LGSN: variants seen among roughly 807,000 people sequenced by gnomAD.
LGSN encodes lengsin, lens protein with glutamine synthetase domain, also known as lengsin.
Under a neutral mutation model 19.5 loss-of-function variants are expected in LGSN, and 21 were observed. The ratio of observed to expected loss-of-function variants is 1.07; its 90% CI spans 0.76 to 1.55. The LOEUF (loss-of-function observed/expected upper bound fraction) is 1.55, where lower values mean the gene tolerates loss of function less well. Ranked by LOEUF, LGSN falls within the 40% of genes most tolerant of loss-of-function variation. The pLI, the probability that LGSN is intolerant of heterozygous loss-of-function variation, is 0.00. For missense variants in LGSN, 673 were observed against 608.5 expected (o/e 1.11, Z -1.12); for synonymous variants, 257 against 215.6 (o/e 1.19, Z -1.68).
At chr6:63,464,763 A>C in the LGSN span, among the ~76,000 whole-genome samples, 2 of 152,106 alleles carry the variant, frequency 1.3e-5, no homozygotes, top group African/African-American at 4.8e-5. Context: ...GCGGTGGCTC[A>C]TGCCTGTAAT....
the LGSN span, among the ~76,000 whole-genome samples, chr6:63,559,036 C>T: frequency 1.4e-4 from 22 of 152,076 alleles, no homozygotes; most frequent in African/African-American, 3.9e-4. Context: ...TGTATGGAGG[C>T]GAGAAGGATA....
At chr6:63,567,446 G>C in the LGSN span, among the ~76,000 whole-genome samples, 1 of 152,172 alleles carries the variant, frequency 6.6e-6, no homozygotes, top group Admixed American at 6.5e-5. Flanking sequence ...CATGTGCATT[G>C]TCAAGGAGCA....
At chr6:63,549,037 C>A in the LGSN span, 6 of 726,080 alleles carry the variant, frequency 8.3e-6, no homozygotes, top group Non-Finnish European at 1.3e-5. Flanking sequence ...ACGTCGTGTG[C>A]AATCACCACC....
At chr6:63,560,694 G>C in the LGSN span, among the ~76,000 whole-genome samples, 1 of 151,988 alleles carries the variant, frequency 6.6e-6, no homozygotes, top group Non-Finnish European at 1.5e-5. Flanking sequence ...GTGAGCCACC[G>C]CACCCAGCCA....
the LGSN span, among the ~76,000 whole-genome samples, chr6:63,429,602 C>T: frequency 1.3e-5 from 2 of 151,780 alleles, no homozygotes; most frequent in Non-Finnish European, 2.9e-5. Context: ...CGAGTGTGGT[C>T]GCGGGCGCCT....
chr6:63,438,362 A>G, the LGSN span, among the ~76,000 whole-genome samples: 1 of 152,208 alleles, frequency 6.6e-6, no homozygotes, highest in Non-Finnish European at 1.5e-5. Flanking sequence ...ATGGGATCTA[A>G]TTAAACTAAA....
chr6:63,405,098 T>G, the LGSN span, among the ~76,000 whole-genome samples: 2 of 151,736 alleles, frequency 1.3e-5, no homozygotes, highest in Non-Finnish European at 2.9e-5. Flanking sequence ...GAATGATGAT[T>G]TCCAATTTCA....
intron 1 of LGSN, among the ~76,000 whole-genome samples, chr6:63,308,256 G>A (rs949893620): frequency 3.3e-5 from 5 of 152,020 alleles, no homozygotes; most frequent in African/African-American, 7.3e-5. Context: ...CTATCGTTTC[G>A]TCAGATGGCT....
the LGSN span, among the ~76,000 whole-genome samples, chr6:63,507,765 C>G: frequency 6.6e-6 from 1 of 152,158 alleles, no homozygotes; most frequent in Non-Finnish European, 1.5e-5. Context: ...TTGTTTCTTA[C>G]AGCCAAAGAA....
chr6:63,551,596 T>C, the LGSN span, among the ~76,000 whole-genome samples: 2 of 152,176 alleles, frequency 1.3e-5, no homozygotes, highest in Non-Finnish European at 2.9e-5. Flanking sequence ...TGCAGGTTTG[T>C]TACATATGTA....
chr6:63,407,187 G>A, the LGSN span, among the ~76,000 whole-genome samples: 9,919 of 151,172 alleles, frequency 0.066, 529 homozygotes, highest in African/African-American at 0.15. Flanking sequence ...TATAAGGCCA[G>A]CATCATCCTG....
chr6:63,456,774 A>G, the LGSN span, among the ~76,000 whole-genome samples: 1 of 152,150 alleles, frequency 6.6e-6, no homozygotes, highest in East Asian at 1.9e-4. Context: ...GCCATTTTAT[A>G]GCACCCCCTT....
chr6:63,299,311 G>C (rs1320877724), intron 1 of LGSN, among the ~76,000 whole-genome samples: 2 of 152,154 alleles, frequency 1.3e-5, no homozygotes, highest in African/African-American at 2.4e-5. Flanking sequence ...AGAGAGGAAA[G>C]ACTAAGTTAC....
At chr6:63,388,694 T>A in the LGSN span, among the ~76,000 whole-genome samples, 1 of 152,222 alleles carries the variant, frequency 6.6e-6, no homozygotes, top group Admixed American at 6.5e-5. Context: ...CAGTCTGTGG[T>A]ATTTTGTTAC....
chr6:63,380,001 C>T, the LGSN span, among the ~76,000 whole-genome samples: 1 of 152,062 alleles, frequency 6.6e-6, no homozygotes, highest in African/African-American at 2.4e-5. Flanking sequence ...CTACACCCAG[C>T]TAATTTTTTG....
At chr6:63,487,024 T>C in the LGSN span, among the ~76,000 whole-genome samples, 81,090 of 151,478 alleles carry the variant, frequency 0.54, 23,516 homozygotes, top group African/African-American at 0.77. Context: ...TTAGTAGAGA[T>C]GGGGTTTCAC....
chr6:63,306,079 A>G (rs1024391767), intron 1 of LGSN, among the ~76,000 whole-genome samples: 5 of 151,186 alleles, frequency 3.3e-5, no homozygotes, highest in Non-Finnish European at 7.4e-5. Context: ...CAACAAAAAA[A>G]TAAAGTCTTT....
chr6:63,392,762 T>C, the LGSN span, among the ~76,000 whole-genome samples: 3 of 152,024 alleles, frequency 2.0e-5, no homozygotes, highest in Admixed American at 6.6e-5. Context: ...TTCCTTTTAA[T>C]GAAAAGCAAC....
the LGSN span, among the ~76,000 whole-genome samples, chr6:63,475,314 CAAAAAAAAA>C: frequency 2.0e-5 from 2 of 99,304 alleles, no homozygotes; most frequent in African/African-American, 4.2e-5. Flanking sequence ...ATAGATCTGC[CAAAAAAAAA>C]AAAAAAAAAA....
Sources: gnomAD v4.1 joint callset for allele counts (sites outside exome capture counted in the v4.1 genomes callset) on GRCh38, gnomAD v4.1.1 for gene constraint, MANE v1.5 for transcripts, NCBI Gene and HGNC (gene_info 2026-07-23, HGNC 2026-07-21) for gene names.